Variants in TLR10 observed in about 807,000 individuals in gnomAD.
TLR10 encodes toll like receptor 10.
For synonymous variants in TLR10, 288 were observed against 338.8 expected (o/e 0.85, Z 1.65); for missense variants, 929 against 932.9 (o/e 1.00, Z 0.05).
intron 1 of TLR10, among the ~76,000 whole-genome samples, chr4:38,782,711 C>T (rs1218130934): frequency 1.3e-5 from 2 of 150,650 alleles, no homozygotes; most frequent in South Asian, 2.1e-4. Context: ...AAGAAACCCA[C>T]GCTCTCAAGC....
rs1724880498 is a variant in TLR10 at position 38,774,326 on chromosome 4, G to A, written c.1265C>T (p.Thr422Ile). ...GTATGACAGATTCATATTGACCACA[G>A]TTTCTGGCCATGAGCAATTTTCATC... The part of the protein sequence containing the change: ...KNDENCSWPE[T>I]VVNMNLSYNK... The change falls in exon 4 of 4, where the codon ACT (threonine) becomes ATT (isoleucine). Residue 422 changes from threonine to isoleucine, a missense_variant. Coordinates refer to ENST00000308973, the MANE Select transcript of TLR10 (RefSeq NM_030956.4). 5 of 1,611,218 alleles carry A rather than the reference G, an allele frequency of 3.1e-6. No individual in the cohort carries two copies. The Admixed American group carries it at 5.0e-5, about 16-fold the overall frequency.
rs182700988 is a variant in TLR10, at chr4:38,773,740, C to G, written c.1851G>C (p.Trp617Cys). 6 of 1,613,546 alleles carry G rather than the reference C, an allele frequency of 3.7e-6. No homozygotes were observed. The African/African-American group carries it at 8.0e-5, about 22-fold the overall frequency. ...LRMLGQCTQT[W>C]HRVRKTTQEQ... Reference sequence around the variant, plus strand: ...CTTGGGTTGTTTTCCTAACCCTGTGCCATGTTTGTGTGCATTGACCTAGCA... The same window carrying G: ...CTTGGGTTGTTTTCCTAACCCTGTGGCATGTTTGTGTGCATTGACCTAGCA... The change falls in exon 4 of 4, where the codon TGG (tryptophan) becomes TGC (cysteine). Residue 617 changes from tryptophan to cysteine, a missense_variant. By Grantham distance (215) the Trp-to-Cys change is radical. Transcript: ENST00000308973.
At chr4:38,777,159 G>T (rs941939286) in intron 1 of TLR10, among the ~76,000 whole-genome samples, 3 of 152,112 alleles carry the variant, frequency 2.0e-5, no homozygotes, top group African/African-American at 7.2e-5. Context: ...TAAGATAAGG[G>T]AAACAGAGAG....
In TLR10 at chr4:38,775,162, G is replaced by T. The variant is rs1228106403; in HGVS notation, c.429C>A (p.His143Gln). The part of the protein sequence containing the change: ...PICEEAGNMS[H>Q]LEILGLSGAK... ...CCCCACTCAAACCTAGGATTTCCAGGTGTGACATGTTGCCAGCTTCCTCAC... is the reference window on the plus strand; with the variant it reads ...CCCCACTCAAACCTAGGATTTCCAGTTGTGACATGTTGCCAGCTTCCTCAC... Residue 143 changes from histidine (H) to glutamine (Q), a missense_variant, in exon 4 of 4, where the codon CAC becomes CAA. Coordinates refer to ENST00000308973, the MANE Select transcript of TLR10 (RefSeq NM_030956.4). 6.2e-7 allele frequency: 1 copy of T among 1,613,840 alleles called. No homozygotes were observed. Among genetic ancestry groups the T allele is most frequent in the Non-Finnish European group, 8.5e-7 (1 of 1,179,972 alleles).
chr4:38,774,139 G>A lies in TLR10; in HGVS notation c.1452C>T (p.Cys484=), dbSNP rs548205478. The A allele has an allele frequency of 7.5e-6, 12 of 1,608,274 alleles. No homozygotes were observed. The East Asian group carries it at 2.5e-4, about 33-fold the overall frequency. ...AFNFLTDLPG[C]SHFSRLSVLN... ...GAACTGAAAGTCTACTGAAATGACT[G>A]CATCCAGGGAGATCAGTTAGAAAAT... The change falls in exon 4 of 4, where the codon TGC becomes TGT. Residue 484 remains cysteine, a synonymous_variant. Transcript: ENST00000308973.
At chr4:38,778,449 T>C (rs897405542) in intron 1 of TLR10, among the ~76,000 whole-genome samples, 1 of 151,688 alleles carries the variant, frequency 6.6e-6, no homozygotes. Flanking sequence ...AATAAATAAA[T>C]AAACAAACAA....
rs1560442628 is a variant in TLR10 at position 38,774,406 on chromosome 4, G to A, written c.1185C>T (p.Asn395=). 6.2e-7 allele frequency: 1 copy of A among 1,613,240 alleles called. No homozygotes were observed. The highest frequency in any genetic ancestry group is 8.5e-7 in the Non-Finnish European group (1 of 1,179,774). ...GATCCAAGTGTTCCAAGGGTGTGTT[G>A]TTAGCAAAGCAACTTACTAAAGAAA... ...ETLSLVSCFA[N]NTPLEHLDLS... is the part of the protein sequence containing the mutation. Residue 395 remains asparagine, a synonymous_variant, in exon 4 of 4, where the codon AAC becomes AAT. Coordinates refer to ENST00000308973, the MANE Select transcript of TLR10 (RefSeq NM_030956.4).
intron 1 of TLR10, among the ~76,000 whole-genome samples, chr4:38,781,723 CTAATT>C (rs1725425209): frequency 1.3e-5 from 2 of 152,306 alleles, no homozygotes; most frequent in African/African-American, 2.4e-5. Context: ...ATTTAATCAT[CTAATT>C]TATCTTTTCC....
chr4:38,773,787 C>T lies in TLR10; in HGVS notation c.1804G>A (p.Asp602Asn), dbSNP rs868230072. The T allele has an allele frequency of 6.2e-7, 1 of 1,603,622 alleles. No individual in the cohort carries two copies. Among genetic ancestry groups the T allele is most frequent in the Non-Finnish European group, 8.5e-7 (1 of 1,175,772 alleles). ...AGCATCCTGAGATACCAGGGCAGAT[C>T]AAAGTGGAGACAGCAGAAGGCCACA... is the stretch of plus-strand genomic sequence containing the variant. ...LAVAFCCLHF[D>N]LPWYLRMLGQ... The change falls in exon 4 of 4, where the codon GAT becomes AAT. Residue 602 changes from aspartate to asparagine, a missense_variant. Transcript: ENST00000308973.
Position 38,781,450 on chromosome 4 carries a change from G to A in TLR10, c.-569+1471C>T, listed in dbSNP as rs190194530. 1.2e-3 allele frequency among the ~76,000 whole-genome samples: 176 copies of A among 151,814 alleles called. 1 individual carries two copies. Among genetic ancestry groups the A allele is most frequent in the African/African-American group, 4.2e-3 (172 of 41,402 alleles). ...CCCAGGTTCAAGCGATTCTCCTGCC[G>A]CAGCCTCCTGAGTAGCTGGGATTAC... On this transcript the variant is annotated intron_variant, in intron 1 of 3. Coordinates refer to ENST00000308973, the MANE Select transcript of TLR10 (RefSeq NM_030956.4).
rs764638983 is a variant in TLR10, at chr4:38,773,522, T to C, written c.2069A>G (p.Tyr690Cys). 23 of 1,612,018 alleles carry C rather than the reference T, an allele frequency of 1.4e-5. No individual in the cohort carries two copies. Among genetic ancestry groups the C allele is most frequent in the Admixed American group, 6.7e-5 (4 of 59,672 alleles). ...ENIVSFIEKS[Y>C]KSIFVLSPNF... ...GGGAGACAAAACAAAGATGGACTTA[T>C]AGCTTTTCTCAATGAAGCTTACAAT... The change falls in exon 4 of 4, where the codon TAT (tyrosine) becomes TGT (cysteine). Residue 690 changes from tyrosine to cysteine, a missense_variant. Coordinates refer to ENST00000308973, the MANE Select transcript of TLR10 (RefSeq NM_030956.4).
Position 38,773,517 on chromosome 4 carries a change from AC to A in TLR10, c.2073del (p.Lys691AsnfsTer35), listed in dbSNP as rs1306375225. 1 of 1,612,130 alleles carries A rather than the reference AC, an allele frequency of 6.2e-7. No individual in the cohort carries two copies. On this transcript the variant is annotated frameshift_variant, in exon 4 of 4. Coordinates refer to ENST00000308973, the MANE Select transcript of TLR10 (RefSeq NM_030956.4). LOFTEE classifies it low-confidence loss of function (END_TRUNC). ...NIVSFIEKSY[K>X]SIFVLSPNFV... ...AAGTTGGGAGACAAAACAAAGATGG[AC>A]TTATAGCTTTTCTCAATGAAGCTTA... is the stretch of plus-strand genomic sequence containing the variant.
rs1285227340 is a variant in TLR10 at position 38,775,592 on chromosome 4, G to A, written c.-2C>T. On this transcript the variant is annotated 5_prime_UTR_variant, in exon 4 of 4. Coordinates refer to ENST00000308973, the MANE Select transcript of TLR10 (RefSeq NM_030956.4). ...GTAAATGTTTCTGATGAGTCTCATT[G>A]TATTTCCAAGGATTTTACCACTTAT... is the stretch of plus-strand genomic sequence containing the variant. 1.3e-6 allele frequency: 2 copies of A among 1,590,774 alleles called. No individual in the cohort carries two copies. The highest frequency in any genetic ancestry group is 1.7e-6 in the Non-Finnish European group (2 of 1,168,312).
Position 38,775,455 on chromosome 4 carries a change from A to G in TLR10, c.136T>C (p.Leu46=). ...TCCAGTGTCGTTGTGGCTGGGGTCA[A>G]GTCTGCGGGAACCTTTCTTAGAGAC... ...NMSLRKVPAD[L]TPATTTLDLS... Residue 46 remains leucine (L), a synonymous_variant, in exon 4 of 4, where the codon TTG becomes CTG. Coordinates refer to ENST00000308973, the MANE Select transcript of TLR10 (RefSeq NM_030956.4). 6.2e-7 allele frequency: 1 copy of G among 1,614,146 alleles called. No homozygotes were observed. The highest frequency in any genetic ancestry group is 8.5e-7 in the Non-Finnish European group (1 of 1,180,028).
At chr4:38,778,139 G>A (rs923576209) in intron 1 of TLR10, among the ~76,000 whole-genome samples, 6 of 152,182 alleles carry the variant, frequency 3.9e-5, no homozygotes, top group Non-Finnish European at 8.8e-5. Context: ...ATGTGTTCAT[G>A]TCCTTTGCAG....
chr4:38,773,058 A>G lies in TLR10; in HGVS notation c.*97T>C. The G allele has an allele frequency of 8.3e-7, 1 of 1,205,170 alleles. No individual in the cohort carries two copies. The highest frequency in any genetic ancestry group is 2.8e-5 in the East Asian group (1 of 35,976). 74.7% of individuals were successfully genotyped at this position (1,205,170 alleles called of 1,614,324 possible). A position where few individuals can be genotyped will look rare whatever the true frequency, so the allele number is the denominator to read the frequency against. On this transcript the variant is annotated 3_prime_UTR_variant, in exon 4 of 4. Transcript: ENST00000308973. ...GATATGAAGGGAATAACCATTTTTTATTTTAATAAATATTGTCAAATTGCC... is the reference window on the plus strand; with the variant it reads ...GATATGAAGGGAATAACCATTTTTTGTTTTAATAAATATTGTCAAATTGCC...
At position 38,774,164 on chromosome 4, in the gene TLR10, T is replaced by C; in HGVS notation, c.1427A>G (p.Asn476Ser). The C allele has an allele frequency of 1.2e-6, 2 of 1,610,550 alleles. No homozygotes were observed. Among genetic ancestry groups the C allele is most frequent in the Non-Finnish European group, 1.7e-6 (2 of 1,178,104 alleles). ...MALRELNIAF[N>S]FLTDLPGCSH... ...GCATCCAGGGAGATCAGTTAGAAAA[T>C]TAAATGCAATATTTAGTTCTCGTAA... is the stretch of plus-strand genomic sequence containing the variant. Residue 476 changes from asparagine (N) to serine (S), a missense_variant, in exon 4 of 4, where the codon AAT becomes AGT. By Grantham distance (46) the Asn-to-Ser change is conservative. Coordinates refer to ENST00000308973, the MANE Select transcript of TLR10 (RefSeq NM_030956.4).
rs768893905 is a variant in TLR10 at position 38,775,481 on chromosome 4, A to G, written c.110T>C (p.Met37Thr). The G allele has an allele frequency of 2.5e-6, 4 of 1,614,112 alleles. No individual in the cohort carries two copies. Among genetic ancestry groups the G allele is most frequent in the Admixed American group, 1.7e-5 (1 of 59,996 alleles). The stretch of plus-strand genomic sequence containing the variant: ...GTCTGCGGGAACCTTTCTTAGAGAC[A>G]TGTTGGAGCAGTTGGTCATCAGTTC... ...ERELMTNCSNMSLRKVPADLT... is the reference protein window; with the variant it reads ...ERELMTNCSNTSLRKVPADLT... The change falls in exon 4 of 4, where the codon ATG becomes ACG. Residue 37 changes from methionine to threonine, a missense_variant. Transcript: ENST00000308973.
chr4:38,777,734 C>A (rs563678069), intron 1 of TLR10, among the ~76,000 whole-genome samples: 3 of 152,206 alleles, frequency 2.0e-5, no homozygotes, highest in African/African-American at 7.2e-5. Flanking sequence ...AAATGCAAAT[C>A]AAAACCACAA....
Sources: allele counts gnomAD v4.1 joint callset (sites outside exome capture counted in the v4.1 genomes callset), GRCh38; gene constraint gnomAD v4.1.1; transcripts MANE v1.5; gene names NCBI Gene and HGNC (gene_info 2026-07-23, HGNC 2026-07-21).